Variants in UGT1A7 observed in about 807,000 individuals in gnomAD.
UGT1A7 encodes UDP-glucuronosyltransferase 1A7.
A neutral mutation model predicts 45.6 loss-of-function variants in UGT1A7; 33 were observed. The ratio of observed to expected loss-of-function variants is 0.72; its 90% CI spans 0.55 to 0.97. UGT1A7 has a LOEUF of 0.97. Among genes scored for constraint, UGT1A7 ranks in the 50% least tolerant of loss-of-function variants. The pLI is 0.00. For missense variants in UGT1A7, 684 were observed against 666.2 expected (o/e 1.03, Z -0.29); for synonymous variants, 274 against 250.6 (o/e 1.09, Z -0.88).
At chr2:233,734,042 CA>C (rs1279505010) in intron 1 of UGT1A7, among the ~76,000 whole-genome samples, 9 of 152,058 alleles carry the variant, frequency 5.9e-5, no homozygotes, top group Non-Finnish European at 1.5e-5. Context: ...ACCAACATGG[CA>C]CATGTATACA....
In UGT1A7 at chr2:233,731,080, T is replaced by C. The variant is rs548797519; in HGVS notation, c.856-35954T>C. Among the ~76,000 whole-genome samples, 7 of 152,364 alleles carry C rather than the reference T, an allele frequency of 4.6e-5. No individual in the cohort carries two copies. In the South Asian group the frequency reaches 1.2e-3, roughly 27 times the overall value. ...AACTTCCATGATTTAGATCCTTTTG[T>C]ATTCTTATTTCTGTGCCTTTTTTAT... On this transcript the variant is annotated intron_variant, in intron 1 of 4. Coordinates refer to ENST00000373426, the MANE Select transcript of UGT1A7 (RefSeq NM_019077.3).
intron 4 of UGT1A7, chr2:233,770,944 AC>A: frequency 6.6e-6 from 1 of 152,138 alleles, no homozygotes; most frequent in Non-Finnish European, 1.5e-5. Context: ...TGCCGGGGGA[AC>A]CTCAGGGAGC....
At chr2:233,744,722 C>T (rs1486677492) in intron 1 of UGT1A7, among the ~76,000 whole-genome samples, 9 of 151,828 alleles carry the variant, frequency 5.9e-5, no homozygotes, top group Non-Finnish European at 1.2e-4. Flanking sequence ...GAGAGAATGA[C>T]GGTGAAAAAA....
At chr2:233,719,049 C>T in intron 1 of UGT1A7, 1 of 1,614,286 alleles carries the variant, frequency 6.2e-7, no homozygotes, top group South Asian at 1.1e-5. Flanking sequence ...ATTTTTCACC[C>T]TGACAGCCTA....
intron 1 of UGT1A7, among the ~76,000 whole-genome samples, chr2:233,685,222 G>A (rs989552534): frequency 5.9e-5 from 9 of 151,998 alleles, no homozygotes; most frequent in Non-Finnish European, 7.4e-5. Context: ...TAATAGAGAC[G>A]GGGTTTCACC....
At chr2:233,758,327 A>G (rs1696843047) in intron 1 of UGT1A7, among the ~76,000 whole-genome samples, 1 of 152,192 alleles carries the variant, frequency 6.6e-6, no homozygotes, top group Non-Finnish European at 1.5e-5. Flanking sequence ...CAGCCTCAAA[A>G]AGCTTGGAAG....
At chr2:233,747,498 C>T in intron 1 of UGT1A7, 3 of 1,608,498 alleles carry the variant, frequency 1.9e-6, no homozygotes, top group East Asian at 4.5e-5. Flanking sequence ...TGTGCTGGGC[C>T]ACACTCAACT....
chr2:233,743,017 T>C (rs1054805), intron 1 of UGT1A7: 1 of 239,620 alleles, frequency 4.2e-6, no homozygotes, highest in Non-Finnish European at 8.3e-6. Flanking sequence ...TTACAACGAT[T>C]GAAAGACAAA....
intron 1 of UGT1A7, among the ~76,000 whole-genome samples, chr2:233,748,384 T>C (rs546137113): frequency 6.6e-6 from 1 of 151,886 alleles, no homozygotes; most frequent in South Asian, 2.1e-4. Context: ...ATGTCCTTCA[T>C]TGGGAAGGAG....
chr2:233,726,251 G>A (rs1242406933), intron 1 of UGT1A7, among the ~76,000 whole-genome samples: 1 of 152,170 alleles, frequency 6.6e-6, no homozygotes, highest in African/African-American at 2.4e-5. Flanking sequence ...TGAAAAGCTG[G>A]GTGCAGTGGC....
chr2:233,754,498 C>T, intron 1 of UGT1A7: 1 of 356,952 alleles, frequency 2.8e-6, no homozygotes, highest in South Asian at 2.1e-5. Context: ...TAAAAAAAGT[C>T]CGCTATTCCT....
chr2:233,753,795 C>T (rs760622704), intron 1 of UGT1A7: 6 of 152,312 alleles, frequency 3.9e-5, no homozygotes, highest in African/African-American at 1.4e-4. Flanking sequence ...TTTCCAGGAC[C>T]TACCATAGTT....
intron 1 of UGT1A7, chr2:233,729,500 A>G (rs761749165): frequency 6.2e-7 from 1 of 1,614,228 alleles, no homozygotes; most frequent in African/African-American, 1.3e-5. Flanking sequence ...TTGGTCTATC[A>G]TAGGTCTTGT....
intron 1 of UGT1A7, among the ~76,000 whole-genome samples, chr2:233,732,992 G>A (rs1489601833): frequency 1.3e-5 from 2 of 152,152 alleles, no homozygotes; most frequent in Non-Finnish European, 2.9e-5. Context: ...TCGTTGAGCA[G>A]TGGTTTGTAG....
chr2:233,729,473 T>G, intron 1 of UGT1A7: 1 of 1,614,206 alleles, frequency 6.2e-7, no homozygotes, highest in Non-Finnish European at 8.5e-7. Flanking sequence ...AGTATGGCAA[T>G]GTTGAACAAT....
At chr2:233,703,946 A>G (rs2075760296) in intron 1 of UGT1A7, among the ~76,000 whole-genome samples, 1 of 151,552 alleles carries the variant, frequency 6.6e-6, no homozygotes. Flanking sequence ...ACTGGAGTGC[A>G]GTGGTGTGAT....
chr2:233,729,424 T>C lies in UGT1A7; in HGVS notation c.856-37610T>C, dbSNP rs371703949. 59 of 1,613,782 alleles carry C rather than the reference T, an allele frequency of 3.7e-5. No homozygotes were observed. The highest frequency in any genetic ancestry group is 4.8e-5 in the Non-Finnish European group (57 of 1,179,838). ...CCATGTGCTGGGCCACACTCAACTGTACTTTGAAACAGAACATTTTCTGAA... is the reference window on the plus strand; with the variant it reads ...CCATGTGCTGGGCCACACTCAACTGCACTTTGAAACAGAACATTTTCTGAA... On this transcript the variant is annotated intron_variant, in intron 1 of 4. Coordinates refer to ENST00000373426, the MANE Select transcript of UGT1A7 (RefSeq NM_019077.3).
At chr2:233,724,466 G>A (rs1369027656) in intron 1 of UGT1A7, among the ~76,000 whole-genome samples, 1 of 77,178 alleles carries the variant, frequency 1.3e-5, no homozygotes, top group African/African-American at 4.9e-5. Context: ...GGGCGGAGGG[G>A]CTCCTCACTT....
At chr2:233,704,652 G>T (rs2075801775) in intron 1 of UGT1A7, among the ~76,000 whole-genome samples, 1 of 151,908 alleles carries the variant, frequency 6.6e-6, no homozygotes, top group Non-Finnish European at 1.5e-5. Flanking sequence ...TATCATTTTT[G>T]GTTCTTTTCC....
Sources: allele counts gnomAD v4.1 joint callset (sites outside exome capture counted in the v4.1 genomes callset), GRCh38; gene constraint gnomAD v4.1.1; transcripts MANE v1.5; gene names NCBI Gene and HGNC (gene_info 2026-07-23, HGNC 2026-07-21).